The following TRIO variants were observed in gnomAD, a reference collection of about 807,000 sequenced individuals.
TRIO encodes trio Rho guanine nucleotide exchange factor.
In TRIO, 58 loss-of-function variants were observed where a neutral mutation model predicts 351.9. The observed-to-expected ratio is 0.16, with a 90% CI of 0.13 to 0.21. TRIO has a LOEUF of 0.21. TRIO is among the 10% of genes least tolerant of loss of function. TRIO has a pLI of 1.00. For missense variants in TRIO, 3,201 were observed against 4,027.8 expected (o/e 0.79, Z 5.56); for synonymous variants, 1,758 against 1,595.7 (o/e 1.10, Z -2.42).
intron 34 of TRIO, among the ~76,000 whole-genome samples, chr5:14,454,142 T>C (rs152425): frequency 0.012 from 1,764 of 152,302 alleles, 19 homozygotes; most frequent in Non-Finnish European, 0.017. Flanking sequence ...TTGGCCAGGC[T>C]GGTCTCGAAC....
intron 34 of TRIO, among the ~76,000 whole-genome samples, chr5:14,429,573 A>T (rs1750921968): frequency 6.6e-6 from 1 of 152,226 alleles, no homozygotes; most frequent in Non-Finnish European, 1.5e-5. Context: ...CAGAAAATGC[A>T]CATAGGCACA....
At chr5:14,449,718 A>G (rs1195592203) in intron 34 of TRIO, among the ~76,000 whole-genome samples, 1 of 152,192 alleles carries the variant, frequency 6.6e-6, no homozygotes, top group East Asian at 1.9e-4. Flanking sequence ...GATCCACACT[A>G]GCCCATTTTT....
intron 1 of TRIO, among the ~76,000 whole-genome samples, chr5:14,175,677 A>G (rs1349137727): frequency 6.6e-6 from 1 of 152,238 alleles, no homozygotes; most frequent in Non-Finnish European, 1.5e-5. Context: ...AACTAGTTTT[A>G]TTTAAAACTA....
chr5:14,232,680 T>A (rs1306651369), intron 1 of TRIO, among the ~76,000 whole-genome samples: 1 of 152,210 alleles, frequency 6.6e-6, no homozygotes, highest in African/African-American at 2.4e-5. Context: ...AATAGCGAGG[T>A]GTGTATCCTT....
At chr5:14,390,164 G>A (rs1746928341) in intron 25 of TRIO, 67 bp from the exon 26 acceptor site, 1 of 1,438,042 alleles carries the variant, frequency 7.0e-7, no homozygotes, top group Non-Finnish European at 9.7e-7. Context: ...CTCAGTTTCT[G>A]GCATATCTCA....
chr5:14,247,796 G>T (rs1298474058), intron 1 of TRIO, among the ~76,000 whole-genome samples: 1 of 152,132 alleles, frequency 6.6e-6, no homozygotes, highest in African/African-American at 2.4e-5. Context: ...GGCAGGGCAC[G>T]GTGGCTCACA....
chr5:14,223,175 C>T (rs553951447), intron 1 of TRIO, among the ~76,000 whole-genome samples: 4 of 152,124 alleles, frequency 2.6e-5, no homozygotes, highest in African/African-American at 7.2e-5. Context: ...TATGTGACAG[C>T]GTCTATCCCT....
intron 9 of TRIO, among the ~76,000 whole-genome samples, chr5:14,318,852 G>A (rs938072645): frequency 3.3e-5 from 5 of 152,176 alleles, no homozygotes; most frequent in African/African-American, 9.7e-5. Context: ...CACATCCGTG[G>A]ACTGATGCAC....
intron 27 of TRIO, 65 bp from the exon 28 acceptor site, chr5:14,393,973 T>C (rs1256857420): frequency 1.5e-5 from 16 of 1,091,700 alleles, no homozygotes; most frequent in Non-Finnish European, 2.2e-5. Flanking sequence ...GTAATGTGTT[T>C]TATGGCCATG....
chr5:14,276,743 T>G (rs1735552703), intron 2 of TRIO, among the ~76,000 whole-genome samples: 1 of 152,242 alleles, frequency 6.6e-6, no homozygotes, highest in East Asian at 1.9e-4. Flanking sequence ...TCTTGCAAGT[T>G]CTTTCTAAAT....
At chr5:14,487,109 C>T (rs927583497) in intron 47 of TRIO, among the ~76,000 whole-genome samples, 1 of 152,130 alleles carries the variant, frequency 6.6e-6, no homozygotes, top group African/African-American at 2.4e-5. Flanking sequence ...TCCACGGCAG[C>T]CCCAGGGTTT....
chr5:14,308,661 CCA>C (rs1738609347), intron 8 of TRIO, among the ~76,000 whole-genome samples: 1 of 115,076 alleles, frequency 8.7e-6, no homozygotes, highest in Non-Finnish European at 1.6e-5. Context: ...ATCCATCCAT[CCA>C]TCCATCCATC....
intron 34 of TRIO, among the ~76,000 whole-genome samples, chr5:14,445,015 G>C (rs1218600796): frequency 6.6e-6 from 1 of 152,180 alleles, no homozygotes; most frequent in Non-Finnish European, 1.5e-5. Context: ...ACTGTAATCT[G>C]TCTTTGGTAT....
rs969901588 is a variant in TRIO, at chr5:14,255,083, A to G, written c.158-15742A>G. ...TTTCAGATTAATCTCTTGTCCACTA[A>G]TATGCCTGTTTCTGTATTCTTCAAC... On this transcript the variant is annotated intron_variant, in intron 1 of 56. Transcript: ENST00000344204. Among the ~76,000 whole-genome samples the G allele has an allele frequency of 1.7e-4, 26 of 152,354 alleles. No homozygotes were observed. The East Asian group carries it at 5.0e-3, about 29-fold the overall frequency.
At chr5:14,491,540 C>T (rs1010233304) in intron 48 of TRIO, among the ~76,000 whole-genome samples, 3 of 152,198 alleles carry the variant, frequency 2.0e-5, no homozygotes, top group African/African-American at 4.8e-5. Context: ...ATTTCTTCTC[C>T]ACCCAGAACC....
intron 8 of TRIO, among the ~76,000 whole-genome samples, chr5:14,310,785 A>G (rs891316666): frequency 2.0e-5 from 3 of 152,202 alleles, no homozygotes; most frequent in Admixed American, 2.0e-4. Flanking sequence ...TCCTGGGTTC[A>G]AGCGATTCTT....
chr5:14,416,437 G>A (rs1749651778), intron 33 of TRIO, among the ~76,000 whole-genome samples: 1 of 152,100 alleles, frequency 6.6e-6, no homozygotes, highest in South Asian at 2.1e-4. Flanking sequence ...CTCCCCTATG[G>A]GGCCTCTCTT....
intron 34 of TRIO, among the ~76,000 whole-genome samples, chr5:14,434,270 T>A (rs535969774): frequency 3.9e-5 from 6 of 152,346 alleles, no homozygotes; most frequent in African/African-American, 1.4e-4. Flanking sequence ...CATTCTTTTG[T>A]CCCACAAAAG....
At chr5:14,413,897 C>T (rs1448710969) in intron 33 of TRIO, among the ~76,000 whole-genome samples, 2 of 152,228 alleles carry the variant, frequency 1.3e-5, no homozygotes, top group Non-Finnish European at 2.9e-5. Context: ...TCTGATTGCT[C>T]TTCCTGGTGA....
Sources: allele counts gnomAD v4.1 joint callset (sites outside exome capture counted in the v4.1 genomes callset), GRCh38; gene constraint gnomAD v4.1.1; transcripts MANE v1.5; gene names NCBI Gene and HGNC (gene_info 2026-07-23, HGNC 2026-07-21).